RAD54B: variants seen among roughly 807,000 people sequenced by gnomAD.
RAD54B encodes RAD54 homolog B.
A neutral mutation model predicts 95.8 loss-of-function variants in RAD54B; 78 were observed. The observed-to-expected ratio is 0.81, with a 90% CI of 0.68 to 0.98. RAD54B has a LOEUF of 0.98. Among genes scored for constraint, RAD54B ranks in the 50% least tolerant of loss-of-function variants. RAD54B has a pLI of 0.00. For synonymous variants in RAD54B, 328 were observed against 354.9 expected (o/e 0.92, Z 0.85); for missense variants, 957 against 1,056.6 (o/e 0.91, Z 1.31).
chr8:94,429,158 T>C, intron 3 of RAD54B: 1 of 963,252 alleles, frequency 1.0e-6, no homozygotes, highest in Non-Finnish European at 1.2e-6. Context: ...TATGTAAAAA[T>C]AGGTTTCTTA....
chr8:94,453,532 AAAAT>A (rs1157849807), intron 3 of RAD54B, among the ~76,000 whole-genome samples: 2 of 152,166 alleles, frequency 1.3e-5, no homozygotes, highest in East Asian at 3.9e-4. Context: ...CCGTCTCAAA[AAAAT>A]AAATAAATAA....
At chr8:94,401,663 C>T (rs1404329674) in intron 6 of RAD54B, among the ~76,000 whole-genome samples, 2 of 152,130 alleles carry the variant, frequency 1.3e-5, no homozygotes, top group Non-Finnish European at 2.9e-5. Context: ...TGTAGTTTGT[C>T]AGTTAATTGT....
intron 2 of RAD54B, among the ~76,000 whole-genome samples, chr8:94,459,955 G>A (rs28503419): frequency 0.096 from 14,270 of 147,986 alleles, 1,103 homozygotes; most frequent in East Asian, 0.33. Context: ...TCAGGAGATC[G>A]AGACCAACCT....
At chr8:94,399,914 A>T (rs899190128) in intron 7 of RAD54B, among the ~76,000 whole-genome samples, 1 of 152,112 alleles carries the variant, frequency 6.6e-6, no homozygotes, top group Non-Finnish European at 1.5e-5. Flanking sequence ...GTATCCTCAC[A>T]TGGTAAAGAA....
chr8:94,373,051 AAGGGCACCCTG>A (rs974952848), intron 14 of RAD54B: 1 of 152,244 alleles, frequency 6.6e-6, no homozygotes, highest in Non-Finnish European at 1.5e-5. Context: ...AAGGTAAGTG[AAGGGCACCCTG>A]AGGAAATGTT....
chr8:94,419,684 T>A (rs1391162275), intron 3 of RAD54B, among the ~76,000 whole-genome samples: 1 of 145,192 alleles, frequency 6.9e-6, no homozygotes, highest in African/African-American at 2.6e-5. Flanking sequence ...GCTGTTACAA[T>A]ATTTTAAATA....
intron 3 of RAD54B, among the ~76,000 whole-genome samples, chr8:94,448,660 T>A: frequency 2.1e-5 from 3 of 140,512 alleles, no homozygotes; most frequent in Non-Finnish European, 3.1e-5. Flanking sequence ...GAAAGAAAAA[T>A]ACTGCATCTC....
In RAD54B at chr8:94,442,388, T is replaced by G. The variant is rs10105255; in HGVS notation, c.304+15880A>C. Among the ~76,000 whole-genome samples, 28 of 152,088 alleles carry G rather than the reference T, an allele frequency of 1.8e-4. 1 individual carries two copies. In the South Asian group the frequency reaches 5.6e-3, roughly 31 times the overall value. On this transcript the variant is annotated intron_variant, in intron 3 of 14. Transcript: ENST00000336148. ...GGAATCAAGACCATCCTGGCTAACATGGTGAAACCCCGTCTCTACTACTAA... is the reference window on the plus strand; with the variant it reads ...GGAATCAAGACCATCCTGGCTAACAGGGTGAAACCCCGTCTCTACTACTAA...
chr8:94,407,849 A>G (rs1244687562), intron 4 of RAD54B, 129 bp from the exon 5 acceptor site: 2 of 611,396 alleles, frequency 3.3e-6, no homozygotes, highest in Non-Finnish European at 5.2e-6. Flanking sequence ...AAATGGAAGC[A>G]TAATTTAACA....
rs939319636 is a variant in RAD54B at position 94,458,537 on chromosome 8, G to T, written c.136-101C>A. 9.6e-6 allele frequency: 8 copies of T among 831,410 alleles called. No homozygotes were observed. In the African/African-American group the frequency reaches 1.2e-4, roughly 13 times the overall value. 51.5% of individuals were successfully genotyped at this position (831,410 alleles called of 1,614,324 possible). On this transcript the variant is annotated intron_variant, in intron 2 of 14. Coordinates refer to ENST00000336148, the MANE Select transcript of RAD54B (RefSeq NM_012415.3). The stretch of plus-strand genomic sequence containing the variant: ...ATTCTAATTTAAAACAGGACATACT[G>T]GTTATATATATAAACTAGAACTAGA...
intron 3 of RAD54B, chr8:94,431,004 T>C (rs1812078126): frequency 1.6e-5 from 16 of 985,256 alleles, no homozygotes; most frequent in South Asian, 4.7e-5. Flanking sequence ...CAAACACCCA[T>C]GGTCCCCTTC....
intron 3 of RAD54B, among the ~76,000 whole-genome samples, chr8:94,447,859 T>C (rs950139791): frequency 1.3e-5 from 2 of 151,988 alleles, no homozygotes; most frequent in Admixed American, 6.6e-5. Context: ...ATGGAATAAA[T>C]AGAAAGAAAC....
Position 94,407,662 on chromosome 8 carries a change from A to G in RAD54B, c.558T>C (p.Ile186=). Residue 186 remains isoleucine (I), a synonymous_variant, in exon 5 of 15, where the codon ATT becomes ATC. Transcript: ENST00000336148. ...EKIEEGQTLM[I]CGKEIEVMGV... ...CCATGACTTCTATTTCTTTTCCACA[A>G]ATCATCAGTGTTTGGCCCTCTTCAA... 1 of 1,613,954 alleles carries G rather than the reference A, an allele frequency of 6.2e-7. No individual in the cohort carries two copies. The highest frequency in any genetic ancestry group is 8.5e-7 in the Non-Finnish European group (1 of 1,179,908).
intron 3 of RAD54B, among the ~76,000 whole-genome samples, chr8:94,417,953 TC>T (rs60145675): frequency 0.028 from 4,290 of 152,286 alleles, 115 homozygotes; most frequent in African/African-American, 0.069. Context: ...TGAACTCTGA[TC>T]AGTTCCTGAA....
In RAD54B at chr8:94,431,352, C is replaced by G. The variant is rs920189436; in HGVS notation, c.305-20037G>C. 105 of 984,188 alleles carry G rather than the reference C, an allele frequency of 1.1e-4. No individual in the cohort carries two copies. In the African/African-American group the frequency reaches 1.6e-3, roughly 15 times the overall value. 61.0% of individuals were successfully genotyped at this position (984,188 alleles called of 1,614,324 possible). On this transcript the variant is annotated intron_variant, in intron 3 of 14. Transcript: ENST00000336148. ...GAATACCTTATCTATTTTGCTGGAA[C>G]AAAAATAGAGAGAGAATGGGGGTAA... is the stretch of plus-strand genomic sequence containing the variant.
intron 1 of RAD54B, among the ~76,000 whole-genome samples, chr8:94,473,443 A>C (rs955084092): frequency 2.6e-5 from 4 of 152,224 alleles, no homozygotes; most frequent in Admixed American, 1.3e-4. Flanking sequence ...CATGTGTCTC[A>C]GTTTCCTCAT....
intron 3 of RAD54B, chr8:94,429,324 A>G: frequency 2.1e-6 from 1 of 466,766 alleles, no homozygotes; most frequent in African/African-American, 2.1e-5. Flanking sequence ...TTTTGTATAT[A>G]CATAATTTTT....
chr8:94,393,891 A>C lies in RAD54B; in HGVS notation c.1379-9T>G. ...ATTCTGAATTGGAGTACCTAAAGAG[A>C]GACAAAAATGAGTAAAAGGTCAAGT... On this transcript the variant is annotated splice_polypyrimidine_tract_variant and intron_variant, in intron 8 of 14. Transcript: ENST00000336148. 1 of 1,573,110 alleles carries C rather than the reference A, an allele frequency of 6.4e-7. No individual in the cohort carries two copies. Among genetic ancestry groups the C allele is most frequent in the East Asian group, 2.3e-5 (1 of 44,058 alleles).
intron 2 of RAD54B, among the ~76,000 whole-genome samples, chr8:94,467,014 G>C (rs1219273226): frequency 1.3e-5 from 2 of 151,918 alleles, no homozygotes; most frequent in Non-Finnish European, 2.9e-5. Context: ...CTGCAGCTTT[G>C]ACCTCCCAGG....
Sources: gnomAD v4.1 joint callset for allele counts (sites outside exome capture counted in the v4.1 genomes callset) on GRCh38, gnomAD v4.1.1 for gene constraint, MANE v1.5 for transcripts, NCBI Gene and HGNC (gene_info 2026-07-23, HGNC 2026-07-21) for gene names.